The following THPO variants were observed in gnomAD, a reference collection of about 807,000 sequenced individuals.
THPO encodes MPL ligand.
Under a neutral mutation model 17.0 loss-of-function variants are expected in THPO, and 12 were observed. The observed-to-expected ratio is 0.71, with a 90% CI of 0.45 to 1.14. The LOEUF is 1.14. THPO is among the 50% of genes most tolerant of loss of function. The pLI, the probability that THPO is intolerant of heterozygous loss-of-function variation, is 0.00. For synonymous variants in THPO, 188 were observed against 183.0 expected, an observed-to-expected ratio of 1.03 and a Z score of -0.22; for missense variants, 365 against 427.5, an observed-to-expected ratio of 0.85 and a Z score of 1.29.
intron 3 of THPO, 89 bp from the exon 4 acceptor site, chr3:184,375,690 T>G: frequency 1.3e-6 from 2 of 1,493,006 alleles, no homozygotes; most frequent in Non-Finnish European, 9.3e-7. Flanking sequence ...CCATGAGTAC[T>G]ATCTCTAGAC....
Position 184,372,462 on chromosome 3 carries a change from G to T in THPO, c.*51C>A. On this transcript the variant is annotated 3_prime_UTR_variant, in exon 6 of 6. Coordinates refer to ENST00000647395, the MANE Select transcript of THPO (RefSeq NM_000460.4). ...GTTGTCTCCCAGGGGCGCCCTGCAGGGAAGGGAGCTGTACACGAGACAATG... is the reference window on the plus strand; with the variant it reads ...GTTGTCTCCCAGGGGCGCCCTGCAGTGAAGGGAGCTGTACACGAGACAATG... The T allele has an allele frequency of 6.2e-7, 1 of 1,608,856 alleles. No homozygotes were observed. The highest frequency in any genetic ancestry group is 8.5e-7 in the Non-Finnish European group (1 of 1,175,518).
At chr3:184,378,499 C>A, upstream of THPO, 2 of 683,686 alleles carry the variant, frequency 2.9e-6, no homozygotes, top group Non-Finnish European at 3.6e-6. Flanking sequence ...CCTGGCTATC[C>A]AAATTTCTTT....
At chr3:184,378,722 G>C (rs1210904204), upstream of THPO, 1 of 851,450 alleles carries the variant, frequency 1.2e-6, no homozygotes, top group African/African-American at 1.8e-5. Context: ...CGGGGCACAT[G>C]TATGTGCGCA....
chr3:184,375,471 AAGAC>A (rs774725343), intron 4 of THPO, 40 bp downstream of exon 4: 10 of 1,583,782 alleles, frequency 6.3e-6, no homozygotes, highest in Middle Eastern at 1.7e-4. Context: ...TGGGAAACTG[AAGAC>A]AGGACTTAGG....
chr3:184,376,309 C>T lies in THPO; in HGVS notation c.-50G>A. On this transcript the variant is annotated 5_prime_UTR_variant, in exon 2 of 6. Transcript: ENST00000647395. Reference sequence around the variant, plus strand: ...TGGCTCCCTGTTTGGGGCCTCTCCCCTGAATCCTTCCTGGGGCCATGGAGG... The same window carrying T: ...TGGCTCCCTGTTTGGGGCCTCTCCCTTGAATCCTTCCTGGGGCCATGGAGG... 6.2e-7 allele frequency: 1 copy of T among 1,614,196 alleles called. No individual in the cohort carries two copies. The highest frequency in any genetic ancestry group is 8.5e-7 in the Non-Finnish European group (1 of 1,180,028).
chr3:184,377,763 A>G (rs1034063434), intron 1 of THPO, among the ~76,000 whole-genome samples: 5 of 152,102 alleles, frequency 3.3e-5, no homozygotes, highest in Non-Finnish European at 5.9e-5. Context: ...TGTCCATCTT[A>G]CTACTGTGTT....
chr3:184,372,885 A>G lies in THPO; in HGVS notation c.690T>C (p.Pro230=), dbSNP rs766636259. 6.2e-7 allele frequency: 1 copy of G among 1,614,032 alleles called. No homozygotes were observed. ...KWQQGFRAKI[P]GLLNQTSRSL... ...ACCTGGAGGTTTGGTTCAGCAGACC[A>G]GGAATCTTGGCTCTGAATCCCTGCT... The change falls in exon 6 of 6, where the codon CCT becomes CCC. Residue 230 remains proline (P), a synonymous_variant. Transcript: ENST00000647395.
At chr3:184,379,200 G>A (rs1714762169), upstream of THPO, among the ~76,000 whole-genome samples, 1 of 152,172 alleles carries the variant, frequency 6.6e-6, no homozygotes, top group South Asian at 2.1e-4. Context: ...CCCAAGATTA[G>A]GAAGGAGGGT....
upstream of THPO, among the ~76,000 whole-genome samples, chr3:184,379,180 C>G (rs1714758637): frequency 6.6e-6 from 1 of 152,024 alleles, no homozygotes; most frequent in Non-Finnish European, 1.5e-5. Context: ...TCCAGCCAGA[C>G]GAGATGTCTC....
rs1168701434 is a variant in THPO at position 184,373,184 on chromosome 3, G to A, written c.397-6C>T. On this transcript the variant is annotated splice_region_variant and splice_polypyrimidine_tract_variant and intron_variant, in intron 5 of 5. Coordinates refer to ENST00000647395, the MANE Select transcript of THPO (RefSeq NM_000460.4). ...GTCCTGCCCTGTGGAGGAAGCTGAG[G>A]GCAGAGGATGGTCCTGAGGCCAAAC... 6.2e-7 allele frequency: 1 copy of A among 1,609,780 alleles called. No individual in the cohort carries two copies. The highest frequency in any genetic ancestry group is 1.1e-5 in the South Asian group (1 of 91,056).
At chr3:184,376,841 G>A (rs1480585716) in intron 1 of THPO, among the ~76,000 whole-genome samples, 3 of 119,994 alleles carry the variant, frequency 2.5e-5, no homozygotes, top group East Asian at 2.0e-4. Context: ...GTGAAACTCC[G>A]TCTCAAAAAA....
In THPO at chr3:184,372,452, C is replaced by T. The variant is rs941961684; in HGVS notation, c.*61G>A. 9.4e-5 allele frequency: 151 copies of T among 1,599,108 alleles called. No individual in the cohort carries two copies. Among genetic ancestry groups the T allele is most frequent in the Middle Eastern group, 3.6e-4 (2 of 5,612 alleles). On this transcript the variant is annotated 3_prime_UTR_variant, in exon 6 of 6. Coordinates refer to ENST00000647395, the MANE Select transcript of THPO (RefSeq NM_000460.4). ...ATCTTGTCCAGTTGTCTCCCAGGGGCGCCCTGCAGGGAAGGGAGCTGTACA... is the reference window on the plus strand; with the variant it reads ...ATCTTGTCCAGTTGTCTCCCAGGGGTGCCCTGCAGGGAAGGGAGCTGTACA...
In THPO at chr3:184,376,411, G is replaced by C; in HGVS notation, c.-145-7C>G. ...CAAGGGTGAAGAATCTATCCTGAAAGTAGCAAGAAGAGTGAACATTTAACC... is the reference window on the plus strand; with the variant it reads ...CAAGGGTGAAGAATCTATCCTGAAACTAGCAAGAAGAGTGAACATTTAACC... On this transcript the variant is annotated splice_region_variant and splice_polypyrimidine_tract_variant and intron_variant, in intron 1 of 5. Coordinates refer to ENST00000647395, the MANE Select transcript of THPO (RefSeq NM_000460.4). 6.4e-7 allele frequency: 1 copy of C among 1,571,738 alleles called. No individual in the cohort carries two copies. Among genetic ancestry groups the C allele is most frequent in the Non-Finnish European group, 8.6e-7 (1 of 1,162,948 alleles).
At position 184,373,011 on chromosome 3, in the gene THPO, T is replaced by A. The variant is rs1159334270; in HGVS notation, c.564A>T (p.Leu188=). The A allele has an allele frequency of 1.2e-6, 2 of 1,614,110 alleles. No individual in the cohort carries two copies. Among genetic ancestry groups the A allele is most frequent in the East Asian group, 4.5e-5 (2 of 44,878 alleles). The stretch of plus-strand genomic sequence containing the variant: ...TTGGGAGCTCGTTCAGTGTGAGGAC[T>A]AGAGAGGTTCTGCTGGGGACAGCTG... The part of the protein sequence containing the change: ...PTTAVPSRTS[L]VLTLNELPNR... Residue 188 remains leucine (L), a synonymous_variant, in exon 6 of 6, where the codon CTA becomes CTT. Coordinates refer to ENST00000647395, the MANE Select transcript of THPO (RefSeq NM_000460.4).
chr3:184,379,548 G>C (rs558280787), upstream of THPO, among the ~76,000 whole-genome samples: 1 of 152,190 alleles, frequency 6.6e-6, no homozygotes, highest in East Asian at 1.9e-4. Context: ...TGAGGGTTTG[G>C]GGGGCGCTGT....
chr3:184,377,961 C>A (rs1045638201), intron 1 of THPO, 114 bp downstream of exon 1: 64 of 802,048 alleles, frequency 8.0e-5, no homozygotes, highest in Non-Finnish European at 9.4e-5. Context: ...CTCTTCTCGA[C>A]AAAGGTCAGT....
In THPO at chr3:184,372,618, C is replaced by T; in HGVS notation, c.957G>A (p.Gln319=). ...LPPTLPTPVV[Q]LHPLLPDPSA... ...AAGGGTCAGGAAGCAGGGGGTGGAG[C>T]TGGACCACAGGGGTGGGCAAGGTGG... The change falls in exon 6 of 6, where the codon CAG becomes CAA. Residue 319 remains glutamine, a synonymous_variant. Transcript: ENST00000647395. 1 of 1,613,432 alleles carries T rather than the reference C, an allele frequency of 6.2e-7. No homozygotes were observed. Among genetic ancestry groups the T allele is most frequent in the South Asian group, 1.1e-5 (1 of 91,002 alleles).
At chr3:184,378,323 G>A (rs764303523), upstream of THPO, 17 of 985,470 alleles carry the variant, frequency 1.7e-5, no homozygotes, top group Middle Eastern at 1.0e-3. Flanking sequence ...CACACACCAC[G>A]GAGAAGATTT....
rs781220343 is a variant in THPO, at chr3:184,373,574, G to T, written c.237C>A (p.Thr79=). ...LGEWKTQMEE[T]KAQDILGAVT... ...CTGCTCCCAGAATGTCCTGTGCCTT[G>T]GTCTCCTCCTGAGAAAGAGATGGAA... Residue 79 remains threonine (T), a synonymous_variant, in exon 5 of 6, where the codon ACC becomes ACA. Coordinates refer to ENST00000647395, the MANE Select transcript of THPO (RefSeq NM_000460.4). The T allele has an allele frequency of 6.2e-7, 1 of 1,613,790 alleles. No individual in the cohort carries two copies. Among genetic ancestry groups the T allele is most frequent in the Non-Finnish European group, 8.5e-7 (1 of 1,179,998 alleles).
Sources: allele counts gnomAD v4.1 joint callset (sites outside exome capture counted in the v4.1 genomes callset), GRCh38; gene constraint gnomAD v4.1.1; transcripts MANE v1.5; gene names NCBI Gene and HGNC (gene_info 2026-07-23, HGNC 2026-07-21).